Variants in HIPK3 observed in about 807,000 individuals in gnomAD.
The protein encoded by HIPK3 is homeodomain-interacting protein kinase 3.
In HIPK3, 47 loss-of-function variants were observed where a neutral mutation model predicts 124.2. The observed-to-expected ratio is 0.38, with a 90% CI of 0.30 to 0.48. HIPK3 has a LOEUF of 0.48. Among genes scored for constraint, HIPK3 ranks in the 20% least tolerant of loss-of-function variants. The probability of loss-of-function intolerance (pLI) is 0.98; values close to 1 mark genes in which losing one functional copy is unlikely to be tolerated. For missense variants in HIPK3, 1,286 were observed against 1,454.3 expected (o/e 0.88, Z 1.88); for synonymous variants, 482 against 515.2 (o/e 0.94, Z 0.87).
rs1270394894 is a variant in HIPK3, at chr11:33,258,194, CGGGGGCCT to C, written c.-3+306_-3+313del. 3.8e-5 allele frequency: 24 copies of C among 627,234 alleles called. No homozygotes were observed. The South Asian group carries it at 9.2e-4, about 24-fold the overall frequency. The allele number at this position is 627,234 out of a possible 1,614,324, so 38.9% of individuals were successfully genotyped here. On this transcript the variant is annotated intron_variant, in intron 1 of 16. Transcript: ENST00000303296. The stretch of plus-strand genomic sequence containing the variant: ...CGGGAAGCCGCGCCTGGCCGGGGCC[CGGGGGCCT>C]CGGCCCCCCCTCCCCCTGCCAAGGT...
intron 2 of HIPK3, among the ~76,000 whole-genome samples, chr11:33,307,097 C>T (rs1445781391): frequency 6.6e-6 from 1 of 152,088 alleles, no homozygotes; most frequent in East Asian, 1.9e-4. Flanking sequence ...CGCCACCATG[C>T]CTGGCTAATT....
intron 2 of HIPK3, among the ~76,000 whole-genome samples, chr11:33,327,691 TG>T (rs1852852927): frequency 1.3e-5 from 2 of 152,348 alleles, no homozygotes; most frequent in South Asian, 4.1e-4. Context: ...AAATATGTAC[TG>T]TTCTTGCAAC....
chr11:33,288,857 A>C (rs767837050), intron 2 of HIPK3, among the ~76,000 whole-genome samples: 1 of 152,208 alleles, frequency 6.6e-6, no homozygotes, highest in Non-Finnish European at 1.5e-5. Flanking sequence ...CCTGCCATCA[A>C]ATACAGACAA....
chr11:33,301,338 C>G (rs1851993160), intron 2 of HIPK3, among the ~76,000 whole-genome samples: 2 of 152,106 alleles, frequency 1.3e-5, no homozygotes, highest in African/African-American at 2.4e-5. Context: ...TTAGTTCCTC[C>G]CCAAACTCCT....
chr11:33,258,081 C>A (rs1850715809), intron 1 of HIPK3, among the ~76,000 whole-genome samples, 192 bp downstream of exon 1: 1 of 152,126 alleles, frequency 6.6e-6, no homozygotes, highest in Non-Finnish European at 1.5e-5. Flanking sequence ...TCCGCCCTAG[C>A]CCCTGCAGTG....
intron 2 of HIPK3, among the ~76,000 whole-genome samples, chr11:33,318,805 G>A (rs1565083339): frequency 6.6e-6 from 1 of 152,138 alleles, no homozygotes; most frequent in Non-Finnish European, 1.5e-5. Context: ...TTCCTGCTCT[G>A]TAGAAAATAA....
chr11:33,335,011 CT>C (rs1853098523), intron 3 of HIPK3, among the ~76,000 whole-genome samples: 1 of 152,046 alleles, frequency 6.6e-6, no homozygotes, highest in South Asian at 2.1e-4. Context: ...AATTGTTAGG[CT>C]TTTGGATATT....
chr11:33,314,470 T>C (rs12787873), intron 2 of HIPK3, among the ~76,000 whole-genome samples: 3 of 152,098 alleles, frequency 2.0e-5, no homozygotes, highest in Admixed American at 6.6e-5. Flanking sequence ...CTGGCCAATG[T>C]GGTAAAAACC....
chr11:33,289,276 C>T (rs1271419253), intron 2 of HIPK3, among the ~76,000 whole-genome samples: 1 of 151,004 alleles, frequency 6.6e-6, no homozygotes, highest in Non-Finnish European at 1.5e-5. Context: ...CCTGCCTCTC[C>T]AAAAAAAGAA....
At chr11:33,315,075 G>A (rs943349493) in intron 2 of HIPK3, among the ~76,000 whole-genome samples, 2 of 152,032 alleles carry the variant, frequency 1.3e-5, no homozygotes, top group Non-Finnish European at 1.5e-5. Context: ...TTAATTTTTC[G>A]ACATTAACAT....
chr11:33,339,898 T>A (rs1045878674), intron 6 of HIPK3, among the ~76,000 whole-genome samples: 18 of 152,218 alleles, frequency 1.2e-4, no homozygotes, highest in African/African-American at 4.3e-4. Flanking sequence ...ATATTTTGAG[T>A]CGTGCAACTT....
At chr11:33,325,662 A>G (rs1191865249) in intron 2 of HIPK3, among the ~76,000 whole-genome samples, 1 of 152,210 alleles carries the variant, frequency 6.6e-6, no homozygotes, top group Non-Finnish European at 1.5e-5. Context: ...TGTGTGACTC[A>G]ACCTGTGTTG....
intron 2 of HIPK3, among the ~76,000 whole-genome samples, chr11:33,305,890 A>G (rs1852144457): frequency 6.6e-6 from 1 of 151,742 alleles, no homozygotes; most frequent in African/African-American, 2.4e-5. Flanking sequence ...TGTGTCATCC[A>G]GGCTGGAGTG....
chr11:33,286,329 TATTTAAA>T, intron 1 of HIPK3, 77 bp from the exon 2 acceptor site: 1 of 1,212,358 alleles, frequency 8.2e-7, no homozygotes, highest in South Asian at 2.0e-5. Flanking sequence ...TTCTTCCTGA[TATTTAAA>T]ATTGAAAAAA....
At position 33,262,337 on chromosome 11, in the gene HIPK3, G is replaced by A. The variant is rs536986017; in HGVS notation, c.-3+4448G>A. On this transcript the variant is annotated intron_variant, in intron 1 of 16. Coordinates refer to ENST00000303296, the MANE Select transcript of HIPK3 (RefSeq NM_005734.5). ...TTGTCTTAGTCACTTGTAGGACAAA[G>A]ATAGAATAGATATTTGGAGGATGTA... Among the ~76,000 whole-genome samples the A allele has an allele frequency of 2.2e-4, 34 of 152,216 alleles. 1 individual carries two copies. The highest frequency in any genetic ancestry group is 4.4e-4 in the Non-Finnish European group (30 of 68,036).
intron 1 of HIPK3, among the ~76,000 whole-genome samples, chr11:33,283,456 C>G (rs1340719352): frequency 6.6e-6 from 1 of 152,090 alleles, no homozygotes; most frequent in Admixed American, 6.5e-5. Flanking sequence ...GAGTGAACAT[C>G]AAGTCTTAAT....
At chr11:33,266,132 C>T (rs1850957197) in intron 1 of HIPK3, among the ~76,000 whole-genome samples, 1 of 150,108 alleles carries the variant, frequency 6.7e-6, no homozygotes, top group Admixed American at 6.7e-5. Flanking sequence ...GTGCAAGGTA[C>T]TGTGCAGTGA....
chr11:33,265,571 C>T (rs993600640), intron 1 of HIPK3, among the ~76,000 whole-genome samples: 1 of 145,692 alleles, frequency 6.9e-6, no homozygotes, highest in Non-Finnish European at 1.5e-5. Context: ...CACAGGAGTT[C>T]AAGACCAGAC....
chr11:33,347,384 A>G lies in HIPK3; in HGVS notation c.1989A>G (p.Pro663=), dbSNP rs1280856074. Residue 663 remains proline (P), a synonymous_variant, in exon 9 of 17, where the codon CCA becomes CCG. Transcript: ENST00000303296. ...PLVTQAPAVQ[P]LQIRPGVLSQ... is the part of the protein sequence containing the mutation. ...TAACTCAGGCCCCAGCTGTGCAGCC[A>G]CTACAGATCCGACCAGGAGTTCTTT... 1.2e-6 allele frequency: 2 copies of G among 1,613,994 alleles called. No individual in the cohort carries two copies. Among genetic ancestry groups the G allele is most frequent in the Admixed American group, 1.7e-5 (1 of 59,992 alleles).
Sources: gnomAD v4.1 joint callset for allele counts (sites outside exome capture counted in the v4.1 genomes callset) on GRCh38, gnomAD v4.1.1 for gene constraint, MANE v1.5 for transcripts, NCBI Gene and HGNC (gene_info 2026-07-23, HGNC 2026-07-21) for gene names.